LOC400499: variants seen among roughly 807,000 people sequenced by gnomAD.
the LOC400499 span, among the ~76,000 whole-genome samples, chr16:11,467,460 AAAG>A: frequency 7.4e-6 from 1 of 134,430 alleles, no homozygotes; most frequent in African/African-American, 2.8e-5. Flanking sequence ...AATATAAAAA[AAAG>A]AAGCCAAGCA....
the LOC400499 span, among the ~76,000 whole-genome samples, chr16:11,468,800 G>C: frequency 8.6e-4 from 131 of 151,988 alleles, no homozygotes; most frequent in Non-Finnish European, 1.8e-3. Context: ...GCTAATTTTT[G>C]TATTTTTATC....
the LOC400499 span, chr16:11,398,363 G>C: frequency 8.1e-7 from 1 of 1,232,296 alleles, no homozygotes; most frequent in East Asian, 3.2e-5. Context: ...GCAGGTCACA[G>C]AGCCCCAGGT....
At chr16:11,510,765 T>G in the LOC400499 span, among the ~76,000 whole-genome samples, 2 of 151,526 alleles carry the variant, frequency 1.3e-5, no homozygotes, top group Non-Finnish European at 2.9e-5. Context: ...GCCAAGAATC[T>G]GCAAACCTAA....
chr16:11,385,169 G>A, the LOC400499 span: 3 of 1,231,136 alleles, frequency 2.4e-6, no homozygotes, highest in African/African-American at 3.1e-5. Context: ...AGGTCTCCAG[G>A]GGAGGCTCAG....
At chr16:11,396,483 G>C in the LOC400499 span, 2 of 1,232,100 alleles carry the variant, frequency 1.6e-6, no homozygotes, top group African/African-American at 1.5e-5. Flanking sequence ...CTTTCCCAGG[G>C]ACTGTCAGCC....
At chr16:11,448,680 C>T in the LOC400499 span, among the ~76,000 whole-genome samples, 4 of 152,152 alleles carry the variant, frequency 2.6e-5, no homozygotes, top group South Asian at 8.3e-4. Flanking sequence ...TGAGCTATGA[C>T]AGCATCACTG....
the LOC400499 span, among the ~76,000 whole-genome samples, chr16:11,500,416 CAGA>C: frequency 6.6e-6 from 1 of 151,974 alleles, no homozygotes; most frequent in East Asian, 1.9e-4. Flanking sequence ...GAGGCTGAGG[CAGA>C]AGAATTGCTT....
At chr16:11,395,274 C>G in the LOC400499 span, among the ~76,000 whole-genome samples, 36,351 of 152,102 alleles carry the variant, frequency 0.24, 4,626 homozygotes, top group African/African-American at 0.32. Flanking sequence ...TTGGGGTGAG[C>G]AAGAAACAAG....
chr16:11,487,410 G>C, the LOC400499 span: 2 of 398,580 alleles, frequency 5.0e-6, no homozygotes, highest in Non-Finnish European at 8.8e-6. Context: ...AAGAACATCA[G>C]TACACTCTGT....
chr16:11,416,785 C>T, the LOC400499 span, among the ~76,000 whole-genome samples: 1 of 152,062 alleles, frequency 6.6e-6, no homozygotes, highest in Non-Finnish European at 1.5e-5. Context: ...TTCCAGGCAG[C>T]AGGATCAGCC....
chr16:11,510,619 C>T, the LOC400499 span, among the ~76,000 whole-genome samples: 1 of 151,620 alleles, frequency 6.6e-6, no homozygotes, highest in Non-Finnish European at 1.5e-5. Context: ...AGGAGGGTGT[C>T]AGCCTCAGGG....
the LOC400499 span, chr16:11,392,760 AG>A: frequency 3.0e-6 from 3 of 983,878 alleles, no homozygotes; most frequent in Non-Finnish European, 3.6e-6. Flanking sequence ...TGAGACACCA[AG>A]GCAGGAGTAC....
At chr16:11,448,117 C>T in the LOC400499 span, 1 of 1,515,254 alleles carries the variant, frequency 6.6e-7, no homozygotes, top group Non-Finnish European at 8.8e-7. Flanking sequence ...GCCAGCAGGA[C>T]CAAGCTGCAG....
chr16:11,447,658 G>C, the LOC400499 span, among the ~76,000 whole-genome samples: 3 of 152,014 alleles, frequency 2.0e-5, no homozygotes, highest in East Asian at 3.9e-4. Context: ...GAATGAGCTC[G>C]TCTCTGGGAA....
At chr16:11,520,850 A>G in the LOC400499 span, among the ~76,000 whole-genome samples, 1 of 152,126 alleles carries the variant, frequency 6.6e-6, no homozygotes, top group Non-Finnish European at 1.5e-5. Context: ...CTAAAAATAT[A>G]TTCATTAACC....
the LOC400499 span, among the ~76,000 whole-genome samples, chr16:11,498,322 AAT>A: frequency 6.6e-6 from 1 of 152,046 alleles, no homozygotes; most frequent in African/African-American, 2.4e-5. Flanking sequence ...TTCTACTAAA[AAT>A]ACAAAAAAAT....
chr16:11,476,452 C>T, the LOC400499 span, among the ~76,000 whole-genome samples: 1 of 152,060 alleles, frequency 6.6e-6, no homozygotes, highest in Non-Finnish European at 1.5e-5. Context: ...AACAGACACA[C>T]ATGCTCGTGG....
the LOC400499 span, among the ~76,000 whole-genome samples, chr16:11,489,854 T>C: frequency 1.3e-5 from 2 of 152,230 alleles, no homozygotes; most frequent in African/African-American, 2.4e-5. Context: ...CCCTTTACCA[T>C]GGCAACTTAT....
the LOC400499 span, among the ~76,000 whole-genome samples, chr16:11,500,490 G>A: frequency 7.7e-6 from 1 of 130,522 alleles, no homozygotes; most frequent in East Asian, 2.1e-4. Context: ...CAGCTTGGGC[G>A]ACAGAGCAAG....
Sources: allele counts gnomAD v4.1 joint callset (sites outside exome capture counted in the v4.1 genomes callset), GRCh38; gene constraint gnomAD v4.1.1; transcripts MANE v1.5.